Variants in NUP210L observed in about 807,000 individuals in gnomAD.
NUP210L encodes nuclear pore membrane glycoprotein 210-like.
Under a neutral mutation model 208.5 loss-of-function variants are expected in NUP210L, and 74 were observed. That is an observed-to-expected ratio of 0.35 (90% CI 0.29 to 0.43). NUP210L has a LOEUF of 0.43. Among genes scored for constraint, NUP210L ranks in the 20% least tolerant of loss-of-function variants. The probability of loss-of-function intolerance (pLI) is 1.00; values close to 1 mark genes in which losing one functional copy is unlikely to be tolerated. For synonymous variants in NUP210L, 780 were observed against 816.9 expected, an observed-to-expected ratio of 0.95 and a Z score of 0.77; for missense variants, 1,843 against 2,289.4, an observed-to-expected ratio of 0.81 and a Z score of 3.98.
chr1:153,996,610 T>TG (rs1161197442), intron 37 of NUP210L, among the ~76,000 whole-genome samples: 2 of 151,992 alleles, frequency 1.3e-5, no homozygotes, highest in East Asian at 3.9e-4. Context: ...TTAGTAGGGA[T>TG]GAGTGTCACC....
At chr1:154,084,684 G>A (rs1351382158) in intron 16 of NUP210L, among the ~76,000 whole-genome samples, 2 of 151,406 alleles carry the variant, frequency 1.3e-5, no homozygotes, top group African/African-American at 4.9e-5. Flanking sequence ...TGTTGCCCAG[G>A]CTGGTCTCCA....
chr1:154,142,305 C>T (rs1479533729), intron 3 of NUP210L, among the ~76,000 whole-genome samples: 3 of 152,116 alleles, frequency 2.0e-5, no homozygotes, highest in East Asian at 1.9e-4. Flanking sequence ...ACTTCAACCT[C>T]GGCCTCCCAA....
At position 154,046,017 on chromosome 1, in the gene NUP210L, A is replaced by G. The variant is rs1278677452; in HGVS notation, c.3696+52T>C. 3 of 1,489,390 alleles carry G rather than the reference A, an allele frequency of 2.0e-6. No homozygotes were observed. The African/African-American group carries it at 4.3e-5, about 21-fold the overall frequency. 92.3% of individuals were successfully genotyped at this position (1,489,390 alleles called of 1,614,324 possible). Reference sequence around the variant, plus strand: ...AAAGAAACTTATGATAAATTAAAATAAATTTAATATCAAGATCCCTAAGAT... The same window carrying G: ...AAAGAAACTTATGATAAATTAAAATGAATTTAATATCAAGATCCCTAAGAT... On this transcript the variant is annotated intron_variant, in intron 27 of 39. Coordinates refer to ENST00000368559, the Ensembl canonical transcript of NUP210L.
chr1:154,038,195 C>T (rs1652666858), intron 27 of NUP210L, among the ~76,000 whole-genome samples: 1 of 152,046 alleles, frequency 6.6e-6, no homozygotes, highest in South Asian at 2.1e-4. Flanking sequence ...TACAGTGGTG[C>T]AATCTGGGCT....
intron 2 of NUP210L, 119 bp downstream of exon 2, chr1:154,152,615 AAT>A: frequency 1.1e-6 from 1 of 875,968 alleles, no homozygotes. Context: ...GCCAGCTAGG[AAT>A]CATTTATTCT....
chr1:154,149,931 A>C (rs990294922), intron 2 of NUP210L, among the ~76,000 whole-genome samples: 3 of 152,182 alleles, frequency 2.0e-5, no homozygotes, highest in Non-Finnish European at 2.9e-5. Context: ...TTTTTCACCT[A>C]AAATTATGCT....
chr1:154,012,727 C>T lies in NUP210L; in HGVS notation c.4654-357G>A, dbSNP rs182611303. Reference sequence around the variant, plus strand: ...CTAACCAACAAAAGACGGGGTCAGCCGCGCGCGGTGGCTCACGTCTGTAAT... The same window carrying T: ...CTAACCAACAAAAGACGGGGTCAGCTGCGCGCGGTGGCTCACGTCTGTAAT... On this transcript the variant is annotated intron_variant, in intron 33 of 39. Transcript: ENST00000368559. 4.2e-3 allele frequency among the ~76,000 whole-genome samples: 638 copies of T among 151,614 alleles called. 7 individuals carry two copies. Among genetic ancestry groups the T allele is most frequent in the African/African-American group, 0.015 (609 of 41,340 alleles).
intron 27 of NUP210L, among the ~76,000 whole-genome samples, chr1:154,040,763 T>A (rs891276693): frequency 2.0e-5 from 3 of 152,032 alleles, no homozygotes; most frequent in Admixed American, 2.0e-4. Flanking sequence ...AATTTTTTTT[T>A]ATTGTTTTTA....
At chr1:154,002,028 C>G in intron 35 of NUP210L, 43 bp from the exon 36 acceptor site, 1 of 1,586,874 alleles carries the variant, frequency 6.3e-7, no homozygotes, top group Non-Finnish European at 8.6e-7. Context: ...GGTTCAGAGG[C>G]TCTATTGAGC....
At chr1:153,997,470 T>G (rs1192628296) in intron 37 of NUP210L, among the ~76,000 whole-genome samples, 2 of 149,016 alleles carry the variant, frequency 1.3e-5, no homozygotes, top group African/African-American at 4.9e-5. Flanking sequence ...CTTTTCTGTT[T>G]TTTTTTTTTT....
At chr1:154,154,194 T>C (rs1659567661) in intron 1 of NUP210L, among the ~76,000 whole-genome samples, 1 of 152,208 alleles carries the variant, frequency 6.6e-6, no homozygotes, top group Non-Finnish European at 1.5e-5. Context: ...CCACCCACGA[T>C]AAATCTTCTC....
chr1:154,057,690 A>ATGTG (rs4060104), intron 22 of NUP210L, among the ~76,000 whole-genome samples: 25,201 of 125,276 alleles, frequency 0.2, 2,888 homozygotes, highest in East Asian at 0.35. Context: ...AGGACCTCGA[A>ATGTG]TGTGTGTGTG....
At chr1:154,026,900 T>C (rs1318376266) in intron 29 of NUP210L, among the ~76,000 whole-genome samples, 1 of 151,448 alleles carries the variant, frequency 6.6e-6, no homozygotes, top group South Asian at 2.1e-4. Context: ...CTGGCCAACA[T>C]GGTGAAACCC....
exon 34 of NUP210L, chr1:154,012,293 A>G: frequency 6.2e-7 from 1 of 1,613,174 alleles, no homozygotes; most frequent in Non-Finnish European, 8.5e-7. Flanking sequence ...GCTTGAATAC[A>G]GTTGAATTGA....
At chr1:154,136,986 G>A (rs1571317813) in intron 6 of NUP210L, among the ~76,000 whole-genome samples, 1 of 150,060 alleles carries the variant, frequency 6.7e-6, no homozygotes, top group South Asian at 2.1e-4. Flanking sequence ...GCTTTCAGTC[G>A]ATGAATTGAG....
intron 29 of NUP210L, among the ~76,000 whole-genome samples, chr1:154,027,107 AAAAC>A (rs1425230620): frequency 7.3e-5 from 11 of 150,970 alleles, no homozygotes; most frequent in African/African-American, 2.7e-4. Context: ...CAAAAAAAAA[AAAAC>A]AAAAAACACA....
chr1:154,109,884 T>A (rs1037905345), intron 12 of NUP210L, among the ~76,000 whole-genome samples: 27 of 151,198 alleles, frequency 1.8e-4, no homozygotes, highest in African/African-American at 6.2e-4. Flanking sequence ...ACAAAACCTA[T>A]GAGATACAGT....
At chr1:154,131,271 CAAA>C (rs71584177) in intron 7 of NUP210L, among the ~76,000 whole-genome samples, 3 of 119,898 alleles carry the variant, frequency 2.5e-5, no homozygotes, top group Non-Finnish European at 1.7e-5. Flanking sequence ...GACTCCATCT[CAAA>C]AAAAAAAAAA....
At chr1:153,997,466 T>G (rs535225556) in intron 37 of NUP210L, among the ~76,000 whole-genome samples, 1 of 129,048 alleles carries the variant, frequency 7.7e-6, no homozygotes, top group South Asian at 2.6e-4. Context: ...TTTTCTTTTC[T>G]GTTTTTTTTT....
Sources: gnomAD v4.1 joint callset for allele counts (sites outside exome capture counted in the v4.1 genomes callset) on GRCh38, gnomAD v4.1.1 for gene constraint, MANE v1.5 for transcripts, NCBI Gene and HGNC (gene_info 2026-07-23, HGNC 2026-07-21) for gene names.